NCOA1: variants seen among roughly 807,000 people sequenced by gnomAD.
NCOA1 encodes Hin-2 protein.
In NCOA1, 35 loss-of-function variants were observed where a neutral mutation model predicts 150.9. That is an observed-to-expected ratio of 0.23 (90% confidence interval 0.18 to 0.31). The LOEUF (loss-of-function observed/expected upper bound fraction) is 0.31. NCOA1 is among the 10% of genes least tolerant of loss of function. The pLI is 1.00. For missense variants in NCOA1, 1,491 were observed against 1,749.3 expected, an observed-to-expected ratio of 0.85 and a Z score of 2.63; for synonymous variants, 590 against 630.0, an observed-to-expected ratio of 0.94 and a Z score of 0.95.
chr2:24,638,406 A>G (rs13020772), intron 3 of NCOA1, among the ~76,000 whole-genome samples: 78,119 of 151,618 alleles, frequency 0.52, 21,735 homozygotes, highest in Admixed American at 0.67. Flanking sequence ...GGTTGATTCC[A>G]TATCTTAACT....
chr2:24,723,491 A>T (rs542786653), intron 14 of NCOA1, among the ~76,000 whole-genome samples: 2 of 152,342 alleles, frequency 1.3e-5, no homozygotes, highest in African/African-American at 4.8e-5. Context: ...ATTGCCAAAT[A>T]GTCCTTTCCA....
At chr2:24,628,302 GA>G (rs56176673) in intron 3 of NCOA1, among the ~76,000 whole-genome samples, 72,804 of 141,806 alleles carry the variant, frequency 0.51, 19,084 homozygotes, top group Admixed American at 0.66. Flanking sequence ...CTCCATCTCA[GA>G]AAAAAAAAAA....
chr2:24,645,905 T>C (rs1303255612), intron 4 of NCOA1, among the ~76,000 whole-genome samples: 1 of 152,198 alleles, frequency 6.6e-6, no homozygotes, highest in African/African-American at 2.4e-5. Flanking sequence ...GAGTAGGATG[T>C]ATTATAATAA....
At chr2:24,528,037 G>A (rs1664723482) in intron 1 of NCOA1, among the ~76,000 whole-genome samples, 1 of 152,094 alleles carries the variant, frequency 6.6e-6, no homozygotes, top group Admixed American at 6.5e-5. Context: ...CTATTGAGTT[G>A]TATGAGTTCT....
chr2:24,670,674 T>G (rs1671643448), intron 6 of NCOA1, among the ~76,000 whole-genome samples: 1 of 152,020 alleles, frequency 6.6e-6, no homozygotes. Flanking sequence ...GACTTAGGGG[T>G]ATTGGAAAAA....
intron 2 of NCOA1, among the ~76,000 whole-genome samples, chr2:24,575,938 C>T (rs1666936230): frequency 6.6e-6 from 1 of 151,928 alleles, no homozygotes; most frequent in African/African-American, 2.4e-5. Context: ...TTTTTTGATG[C>T]CCTTTAAGAC....
At chr2:24,577,116 T>C (rs186002564) in intron 2 of NCOA1, among the ~76,000 whole-genome samples, 1 of 152,322 alleles carries the variant, frequency 6.6e-6, no homozygotes, top group African/African-American at 2.4e-5. Flanking sequence ...ATATATTTTG[T>C]ATTTTTCTGC....
At chr2:24,755,133 A>G (rs1037924973) in intron 20 of NCOA1, among the ~76,000 whole-genome samples, 8 of 152,248 alleles carry the variant, frequency 5.3e-5, no homozygotes, top group Non-Finnish European at 1.2e-4. Flanking sequence ...CTGCTGCCAA[A>G]TAACGAAGAG....
At chr2:24,730,871 CAAAAAAAAAAAAAAAA>C (rs35975198) in intron 17 of NCOA1, among the ~76,000 whole-genome samples, 3 of 61,904 alleles carry the variant, frequency 4.8e-5, no homozygotes, top group Non-Finnish European at 8.5e-5. Context: ...ACTAAAAGTA[CAAAAAAAAAAAAAAAA>C]AAAAAACGGG....
Position 24,752,061 on chromosome 2 carries a change from T to C in NCOA1, c.3786T>C (p.Pro1262=). The C allele has an allele frequency of 6.2e-7, 1 of 1,614,134 alleles. No individual in the cohort carries two copies. The highest frequency in any genetic ancestry group is 8.5e-7 in the Non-Finnish European group (1 of 1,180,022). The change falls in exon 20 of 23, where the codon CCT becomes CCC. Residue 1262 remains proline (P), a synonymous_variant. Transcript: ENST00000348332. ...CCATGGTGCCGATGCCAATCCCTCC[T>C]CCTCAGAGTTCTCTTCTCCAGCAAA... ...GSSMVPMPIP[P]PQSSLLQQTP... is the part of the protein sequence containing the mutation.
chr2:24,491,645 G>T (rs1354665531), intron 1 of NCOA1, among the ~76,000 whole-genome samples, 43 bp downstream of exon 1: 1 of 150,800 alleles, frequency 6.6e-6, no homozygotes, highest in African/African-American at 2.4e-5. Context: ...GGTGGGTGCA[G>T]CTGTCACGAG....
chr2:24,579,705 CAG>C (rs970414985), intron 2 of NCOA1, among the ~76,000 whole-genome samples: 2 of 152,192 alleles, frequency 1.3e-5, no homozygotes, highest in Non-Finnish European at 2.9e-5. Flanking sequence ...CTAAGCTCAG[CAG>C]AGTTTTCAGC....
intron 3 of NCOA1, among the ~76,000 whole-genome samples, chr2:24,621,771 C>T (rs778415153): frequency 1.3e-5 from 2 of 152,124 alleles, no homozygotes; most frequent in African/African-American, 2.4e-5. Flanking sequence ...TGCGCCACCA[C>T]GCCCAGCCTT....
intron 8 of NCOA1, among the ~76,000 whole-genome samples, chr2:24,687,475 T>C (rs546345142): frequency 6.6e-6 from 1 of 152,222 alleles, no homozygotes; most frequent in African/African-American, 2.4e-5. Context: ...AGTGTATTAG[T>C]CCATTTTCAC....
intron 11 of NCOA1, among the ~76,000 whole-genome samples, chr2:24,702,637 A>G (rs1051873447): frequency 6.6e-6 from 1 of 152,204 alleles, no homozygotes; most frequent in Non-Finnish European, 1.5e-5. Flanking sequence ...TGTCATGTTA[A>G]AGGTTCTTTG....
chr2:24,528,734 T>C (rs1200784867), intron 1 of NCOA1, among the ~76,000 whole-genome samples: 1 of 152,200 alleles, frequency 6.6e-6, no homozygotes, highest in Non-Finnish European at 1.5e-5. Flanking sequence ...TATTAACATA[T>C]AAAGAATACA....
chr2:24,560,030 T>C (rs1444707695), intron 1 of NCOA1, among the ~76,000 whole-genome samples: 1 of 152,156 alleles, frequency 6.6e-6, no homozygotes, highest in African/African-American at 2.4e-5. Context: ...AGACACCTCC[T>C]GCACACTTCC....
At chr2:24,629,813 C>CATGCATATAT (rs1396224101) in intron 3 of NCOA1, among the ~76,000 whole-genome samples, 4 of 77,340 alleles carry the variant, frequency 5.2e-5, no homozygotes, top group African/African-American at 1.5e-4. Flanking sequence ...AAGTAACATA[C>CATGCATATAT]ATACATATAT....
intron 1 of NCOA1, among the ~76,000 whole-genome samples, chr2:24,530,877 T>A (rs1265397488): frequency 6.6e-6 from 1 of 152,204 alleles, no homozygotes; most frequent in Non-Finnish European, 1.5e-5. Flanking sequence ...GGCCAAAGTC[T>A]TATGGAGATT....
Sources: allele counts gnomAD v4.1 joint callset (sites outside exome capture counted in the v4.1 genomes callset), GRCh38; gene constraint gnomAD v4.1.1; transcripts MANE v1.5; gene names NCBI Gene and HGNC (gene_info 2026-07-23, HGNC 2026-07-21).